DIPK2A: variants seen among roughly 807,000 people sequenced by gnomAD.
The protein encoded by DIPK2A is divergent protein kinase domain 2A.
DIPK2A carries 27 observed loss-of-function variants against 39.0 expected under a neutral mutation model. That is an observed-to-expected ratio of 0.69 (90% CI 0.51 to 0.96). The LOEUF (loss-of-function observed/expected upper bound fraction) is 0.96, where lower values mean the gene tolerates loss of function less well. Among genes scored for constraint, DIPK2A ranks in the 40% least tolerant of loss-of-function variants. DIPK2A has a pLI of 0.00. For missense variants in DIPK2A, 528 were observed against 571.3 expected (o/e 0.92, Z 0.77); for synonymous variants, 298 against 240.8 (o/e 1.24, Z -2.20).
chr3:143,972,839 C>T lies in DIPK2A; in HGVS notation c.507C>T (p.His169=). 1 of 1,566,816 alleles carries T rather than the reference C, an allele frequency of 6.4e-7. No individual in the cohort carries two copies. The highest frequency in any genetic ancestry group is 8.6e-7 in the Non-Finnish European group (1 of 1,159,214). ...EAVEGWSDLV[H]CPSQRLLDRL... ...TGGAGGGCTGGTCGGACCTGGTGCA[C>T]TGCCCCTCGCAGCGCCTTCTCGACC... The change falls in exon 1 of 3, where the codon CAC becomes CAT. Residue 169 remains histidine, a synonymous_variant. Coordinates refer to ENST00000315691, the MANE Select transcript of DIPK2A (RefSeq NM_173552.5).
intron 1 of DIPK2A, among the ~76,000 whole-genome samples, chr3:143,979,618 A>G (rs1178127255): frequency 6.6e-6 from 1 of 152,210 alleles, no homozygotes; most frequent in Non-Finnish European, 1.5e-5. Flanking sequence ...CCTGGGACAC[A>G]GTAAGGGTCA....
At chr3:143,982,378 C>A (rs1290452641) in intron 1 of DIPK2A, among the ~76,000 whole-genome samples, 1 of 152,018 alleles carries the variant, frequency 6.6e-6, no homozygotes, top group Non-Finnish European at 1.5e-5. Flanking sequence ...TAGAGAAAGC[C>A]CATCAGACTA....
intron 1 of DIPK2A, 91 bp from the exon 2 acceptor site, chr3:143,985,452 C>T (rs2107846659): frequency 1.8e-6 from 2 of 1,094,612 alleles, no homozygotes; most frequent in East Asian, 4.7e-5. Context: ...CAAAGTCATT[C>T]CTAGTAGCAA....
Position 143,971,900 on chromosome 3 carries a change from G to GT in DIPK2A, c.-432dup, listed in dbSNP as rs1249768372. 5.9e-6 allele frequency: 1 copy of GT among 169,266 alleles called. No homozygotes were observed. Among genetic ancestry groups the GT allele is most frequent in the Middle Eastern group, 2.6e-3 (1 of 384 alleles). The allele number at this position is 169,266 out of a possible 1,614,324, so 10.5% of individuals were successfully genotyped here. A position where few individuals can be genotyped will look rare whatever the true frequency, so the allele number is the denominator to read the frequency against. ...ACATCCTAGCTCCTCTTCCCCTTCC[G>GT]TGAGTCCCTCCTTTCCTCGCAGACC... On this transcript the variant is annotated 5_prime_UTR_variant, in exon 1 of 3. Coordinates refer to ENST00000315691, the MANE Select transcript of DIPK2A (RefSeq NM_173552.5).
intron 1 of DIPK2A, chr3:143,973,319 C>T (rs779641311): frequency 1.3e-4 from 198 of 1,537,608 alleles, no homozygotes; most frequent in Non-Finnish European, 1.6e-4. Context: ...TCTACCCTGC[C>T]TTTCTGCTTT....
rs1383630282 is a variant in DIPK2A, at chr3:143,978,614, ATC to A, written c.657+5627_657+5628del. ...TCTATCTATCTATCTATATATATAT[ATC>A]TATATCTATATATATATATATATCT... is the stretch of plus-strand genomic sequence containing the variant. On this transcript the variant is annotated intron_variant, in intron 1 of 2. Coordinates refer to ENST00000315691, the MANE Select transcript of DIPK2A (RefSeq NM_173552.5). 3.3e-3 allele frequency: 157 copies of A among 47,260 alleles called. 1 individual carries two copies. The African/African-American group carries it at 0.035, about 11-fold the overall frequency. The allele number at this position is 47,260 out of a possible 1,614,324, so 2.9% of individuals were successfully genotyped here.
chr3:143,988,249 C>A (rs1404501033), intron 2 of DIPK2A, among the ~76,000 whole-genome samples: 1 of 152,078 alleles, frequency 6.6e-6, no homozygotes, highest in Non-Finnish European at 1.5e-5. Context: ...CAGGCACATA[C>A]CACCATGCCT....
intron 1 of DIPK2A, 120 bp downstream of exon 1, chr3:143,973,109 C>T (rs959334468): frequency 1.4e-5 from 19 of 1,363,822 alleles, no homozygotes; most frequent in Admixed American, 6.0e-5. Context: ...CTGGGCCAGG[C>T]TGCAGGCGTG....
chr3:143,974,587 C>G (rs1467778694), intron 1 of DIPK2A, among the ~76,000 whole-genome samples: 2 of 152,158 alleles, frequency 1.3e-5, no homozygotes, highest in African/African-American at 4.8e-5. Context: ...ATCGTGTTAG[C>G]ATTTTGCTGA....
Position 143,972,945 on chromosome 3 carries a change from C to T in DIPK2A, c.613C>T (p.Leu205=). ...RNLKDSERMQ[L]LLTLAFNPEP... ...CCTCAAGGACTCGGAGCGCATGCAG[C>T]TGCTGCTGACCCTGGCCTTCAACCC... Residue 205 remains leucine, a synonymous_variant, in exon 1 of 3, where the codon CTG becomes TTG. Coordinates refer to ENST00000315691, the MANE Select transcript of DIPK2A (RefSeq NM_173552.5). 3.1e-6 allele frequency: 5 copies of T among 1,589,012 alleles called. No individual in the cohort carries two copies. The highest frequency in any genetic ancestry group is 4.3e-6 in the Non-Finnish European group (5 of 1,170,430).
upstream of DIPK2A, chr3:143,971,811 G>A (rs1318583578): frequency 6.6e-6 from 1 of 152,430 alleles, no homozygotes; most frequent in African/African-American, 2.4e-5. Flanking sequence ...GGTCTCAGGA[G>A]AGCCAGCGCG....
At chr3:143,987,616 T>A (rs1302446617) in intron 2 of DIPK2A, among the ~76,000 whole-genome samples, 1 of 152,230 alleles carries the variant, frequency 6.6e-6, no homozygotes, top group Non-Finnish European at 1.5e-5. Flanking sequence ...TAAACCTCAT[T>A]AAAACAGCAA....
chr3:143,976,584 G>GAGAA (rs3083098), intron 1 of DIPK2A, among the ~76,000 whole-genome samples: 3,834 of 139,434 alleles, frequency 0.027, 106 homozygotes, highest in African/African-American at 0.061. Flanking sequence ...GAGAGAGAGA[G>GAGAA]ATGCTGTCTG....
chr3:143,982,018 T>C (rs546264231), intron 1 of DIPK2A, among the ~76,000 whole-genome samples: 2 of 152,356 alleles, frequency 1.3e-5, no homozygotes, highest in East Asian at 3.9e-4. Context: ...TTTCAGCATT[T>C]GGAATTTGTT....
intron 1 of DIPK2A, chr3:143,978,604 A>ATATC (rs2087765813): frequency 2.8e-5 from 1 of 35,588 alleles, no homozygotes; most frequent in Non-Finnish European, 4.4e-5. Context: ...CTATCTATCT[A>ATATC]TATATATATA....
rs2087960876 is a variant in DIPK2A at position 143,990,170 on chromosome 3, G to GT, written c.*329_*330insT. On this transcript the variant is annotated 3_prime_UTR_variant, in exon 3 of 3. Transcript: ENST00000315691. Reference sequence around the variant, plus strand: ...TAGTACATTGGCTTGTGTATCAAAGGGTACTTGGTACTTAGTTTGCATTTA... The same window carrying GT: ...TAGTACATTGGCTTGTGTATCAAAGGTGTACTTGGTACTTAGTTTGCATTTA... The GT allele has an allele frequency of 5.1e-6, 1 of 196,836 alleles. No homozygotes were observed. Among genetic ancestry groups the GT allele is most frequent in the Non-Finnish European group, 1.0e-5 (1 of 96,296 alleles). 12.2% of individuals were successfully genotyped at this position (196,836 alleles called of 1,614,324 possible).
intron 2 of DIPK2A, 105 bp downstream of exon 2, chr3:143,985,951 T>C: frequency 1.2e-6 from 1 of 843,536 alleles, no homozygotes; most frequent in Non-Finnish European, 1.8e-6. Context: ...AGATGGCAAC[T>C]TTAAGCGTCT....
At chr3:143,985,007 C>CT (rs1382461801) in intron 1 of DIPK2A, among the ~76,000 whole-genome samples, 2 of 152,282 alleles carry the variant, frequency 1.3e-5, no homozygotes, top group East Asian at 1.9e-4. Flanking sequence ...TGCTTAGTAA[C>CT]TAACACTTTT....
At chr3:143,976,581 AG>A (rs1576806428) in intron 1 of DIPK2A, among the ~76,000 whole-genome samples, 29 of 148,690 alleles carry the variant, frequency 2.0e-4, no homozygotes, top group African/African-American at 5.5e-4. Context: ...AGAGAGAGAG[AG>A]AGATGCTGTC....
Sources: allele counts gnomAD v4.1 joint callset (sites outside exome capture counted in the v4.1 genomes callset), GRCh38; gene constraint gnomAD v4.1.1; transcripts MANE v1.5; gene names NCBI Gene and HGNC (gene_info 2026-07-23, HGNC 2026-07-21).